Variants in SNAP25 observed in about 807,000 individuals in gnomAD.
The protein encoded by SNAP25 is synaptosome associated protein 25.
In SNAP25, 3 loss-of-function variants were observed where a neutral mutation model predicts 28.7. The ratio of observed to expected loss-of-function variants is 0.10; its 90% CI spans 0.05 to 0.27. The LOEUF (loss-of-function observed/expected upper bound fraction) is 0.27. Among genes scored for constraint, SNAP25 ranks in the 10% least tolerant of loss-of-function variants. The pLI is 1.00. For synonymous variants in SNAP25, 61 were observed against 88.1 expected (o/e 0.69, Z 1.72); for missense variants, 117 against 278.7 (o/e 0.42, Z 4.13).
chr20:10,245,422 A>G (rs1897300509), intron 1 of SNAP25, among the ~76,000 whole-genome samples: 2 of 152,162 alleles, frequency 1.3e-5, no homozygotes, highest in African/African-American at 4.8e-5. Flanking sequence ...GTCAACATCA[A>G]TCCACCCTCC....
intron 1 of SNAP25, among the ~76,000 whole-genome samples, chr20:10,239,716 T>C (rs2122725983): frequency 6.6e-6 from 1 of 152,238 alleles, no homozygotes; most frequent in Non-Finnish European, 1.5e-5. Flanking sequence ...GCCCAGAATA[T>C]GGAATATGAC....
chr20:10,267,004 T>C (rs927009643), intron 1 of SNAP25, among the ~76,000 whole-genome samples: 14 of 152,110 alleles, frequency 9.2e-5, no homozygotes, highest in Non-Finnish European at 1.6e-4. Flanking sequence ...GGCCATGTGT[T>C]AAGGCACAAA....
intron 1 of SNAP25, among the ~76,000 whole-genome samples, chr20:10,241,381 G>T (rs1443915890): frequency 3.3e-5 from 5 of 151,992 alleles, no homozygotes; most frequent in Non-Finnish European, 7.4e-5. Context: ...CCCTCTTTCT[G>T]CCACTCCCCA....
intron 4 of SNAP25, chr20:10,292,858 C>T (rs2064029046): frequency 2.0e-6 from 3 of 1,515,756 alleles, no homozygotes; most frequent in Middle Eastern, 3.5e-4. Context: ...TCATTCCACA[C>T]TGTCATCCCT....
chr20:10,243,859 A>C (rs1433930802), intron 1 of SNAP25, among the ~76,000 whole-genome samples: 1 of 152,096 alleles, frequency 6.6e-6, no homozygotes, highest in Non-Finnish European at 1.5e-5. Context: ...GCGTGTGTAG[A>C]GGTGGGTGGA....
At chr20:10,285,405 G>T (rs536283082) in intron 4 of SNAP25, among the ~76,000 whole-genome samples, 124 of 152,284 alleles carry the variant, frequency 8.1e-4, no homozygotes, top group African/African-American at 2.7e-3. Flanking sequence ...CATGGAAACT[G>T]AAAAGGGTAA....
intron 3 of SNAP25, chr20:10,277,970 A>T: frequency 2.7e-6 from 1 of 365,106 alleles, no homozygotes. Context: ...AGAGAATAAT[A>T]GAATTTCCAA....
intron 1 of SNAP25, among the ~76,000 whole-genome samples, chr20:10,232,246 G>T (rs1469589681): frequency 1.3e-5 from 2 of 151,342 alleles, no homozygotes; most frequent in Non-Finnish European, 3.0e-5. Flanking sequence ...ACTGACAATT[G>T]TTGTCTGTAT....
At chr20:10,230,833 A>G (rs1055516952) in intron 1 of SNAP25, among the ~76,000 whole-genome samples, 3 of 152,160 alleles carry the variant, frequency 2.0e-5, no homozygotes, top group African/African-American at 4.8e-5. Context: ...AGTAATGAAG[A>G]TGCTATTTTT....
intron 3 of SNAP25, among the ~76,000 whole-genome samples, chr20:10,278,382 A>G (rs1441230169): frequency 6.6e-6 from 1 of 152,226 alleles, no homozygotes; most frequent in Non-Finnish European, 1.5e-5. Context: ...GCAAATAGCA[A>G]TAATGGAATC....
At chr20:10,222,582 G>A (rs745322660) in intron 1 of SNAP25, among the ~76,000 whole-genome samples, 10 of 152,222 alleles carry the variant, frequency 6.6e-5, no homozygotes, top group Admixed American at 3.9e-4. Flanking sequence ...GGCTTTGAAT[G>A]TCAAGCTGAG....
intron 1 of SNAP25, among the ~76,000 whole-genome samples, chr20:10,250,031 C>T (rs1162630553): frequency 6.6e-6 from 1 of 152,122 alleles, no homozygotes; most frequent in Non-Finnish European, 1.5e-5. Flanking sequence ...TAGTAAGTTC[C>T]TGCATATGCT....
intron 1 of SNAP25, among the ~76,000 whole-genome samples, chr20:10,267,554 T>C (rs1267266632): frequency 6.6e-6 from 1 of 151,898 alleles, no homozygotes; most frequent in African/African-American, 2.4e-5. Context: ...GTTTGTTTGT[T>C]TCTTTGTTTG....
At chr20:10,245,664 G>A (rs1454253005) in intron 1 of SNAP25, among the ~76,000 whole-genome samples, 2 of 151,336 alleles carry the variant, frequency 1.3e-5, no homozygotes, top group African/African-American at 2.4e-5. Flanking sequence ...CAAACTTCTG[G>A]GCGACAGAAA....
At chr20:10,231,059 G>A (rs2122663194) in intron 1 of SNAP25, among the ~76,000 whole-genome samples, 1 of 152,170 alleles carries the variant, frequency 6.6e-6, no homozygotes, top group Middle Eastern at 3.4e-3. Flanking sequence ...AGCCTCTGAA[G>A]GATACCAAAT....
chr20:10,284,703 G>A, intron 3 of SNAP25, 21 bp from the exon 4 acceptor site: 1 of 1,603,022 alleles, frequency 6.2e-7, no homozygotes, highest in Middle Eastern at 1.8e-4. Context: ...TTTCAACTTT[G>A]CTACCATTAT....
At chr20:10,238,760 T>C (rs1600662047) in intron 1 of SNAP25, among the ~76,000 whole-genome samples, 2 of 152,018 alleles carry the variant, frequency 1.3e-5, no homozygotes, top group Admixed American at 1.3e-4. Flanking sequence ...AAATAAAAAA[T>C]TAGGCATGGT....
chr20:10,265,992 TA>T, intron 1 of SNAP25, among the ~76,000 whole-genome samples: 1 of 152,204 alleles, frequency 6.6e-6, no homozygotes. Flanking sequence ...ATAATCCCCC[TA>T]GTTTCATATA....
intron 4 of SNAP25, among the ~76,000 whole-genome samples, chr20:10,285,953 A>G (rs1186573416): frequency 6.6e-6 from 1 of 152,218 alleles, no homozygotes; most frequent in African/African-American, 2.4e-5. Context: ...ACAGTTAGGC[A>G]CTGTAACCTG....
Sources: allele counts gnomAD v4.1 joint callset (sites outside exome capture counted in the v4.1 genomes callset), GRCh38; gene constraint gnomAD v4.1.1; transcripts MANE v1.5; gene names NCBI Gene and HGNC (gene_info 2026-07-23, HGNC 2026-07-21).